Variants in MAGI1 observed in about 807,000 individuals in gnomAD.
The protein encoded by MAGI1 is membrane associated guanylate kinase, WW and PDZ domain containing 1, also known as membrane-associated guanylate kinase, WW and PDZ domain-containing protein 1.
A neutral mutation model predicts 139.9 loss-of-function variants in MAGI1; 58 were observed. The ratio of observed to expected loss-of-function variants is 0.41; its 90% confidence interval spans 0.34 to 0.52. The LOEUF (loss-of-function observed/expected upper bound fraction) is 0.52. Ranked by LOEUF, MAGI1 falls within the 20% of genes least tolerant of loss-of-function variation. The pLI is 0.12. For missense variants in MAGI1, 1,874 were observed against 1,901.6 expected, an observed-to-expected ratio of 0.99 and a Z score of 0.27; for synonymous variants, 812 against 737.9, an observed-to-expected ratio of 1.10 and a Z score of -1.63.
At chr3:65,873,457 C>T (rs1177309617) in intron 1 of MAGI1, 3 of 152,222 alleles carry the variant, frequency 2.0e-5, no homozygotes, top group African/African-American at 4.8e-5. Flanking sequence ...TTACTTGGTA[C>T]ATTATGGCAC....
chr3:65,412,507 A>G (rs1945871334), intron 12 of MAGI1, among the ~76,000 whole-genome samples: 1 of 152,150 alleles, frequency 6.6e-6, no homozygotes, highest in African/African-American at 2.4e-5. Flanking sequence ...GATTGTCTCT[A>G]TTTCAGGGAC....
chr3:66,012,585 G>C (rs2067379899), intron 1 of MAGI1, among the ~76,000 whole-genome samples: 1 of 152,010 alleles, frequency 6.6e-6, no homozygotes, highest in African/African-American at 2.4e-5. Flanking sequence ...GGCCAACATG[G>C]CGAAACCCCA....
At chr3:65,713,010 G>A (rs1223366467) in intron 1 of MAGI1, among the ~76,000 whole-genome samples, 1 of 152,096 alleles carries the variant, frequency 6.6e-6, no homozygotes, top group African/African-American at 2.4e-5. Flanking sequence ...TCATAGCTAG[G>A]AAAGGAATCT....
chr3:65,487,212 C>A (rs1014317327), intron 3 of MAGI1, among the ~76,000 whole-genome samples: 5 of 152,206 alleles, frequency 3.3e-5, no homozygotes, highest in Non-Finnish European at 5.9e-5. Flanking sequence ...CTTGATTCCA[C>A]AGACATCCAC....
At chr3:65,595,959 T>C (rs1396920759) in intron 2 of MAGI1, among the ~76,000 whole-genome samples, 1 of 152,122 alleles carries the variant, frequency 6.6e-6, no homozygotes, top group African/African-American at 2.4e-5. Context: ...AGTTGAGAAA[T>C]GGAGGAATCG....
At chr3:65,389,838 T>C (rs1003480068) in intron 14 of MAGI1, among the ~76,000 whole-genome samples, 7 of 152,198 alleles carry the variant, frequency 4.6e-5, no homozygotes, top group Admixed American at 1.3e-4. Flanking sequence ...ATTCCATGCA[T>C]TGTGGTACCA....
intron 1 of MAGI1, among the ~76,000 whole-genome samples, chr3:65,795,726 C>CACACACACACGG (rs1553708462): frequency 6.7e-6 from 1 of 149,040 alleles, no homozygotes; most frequent in Admixed American, 6.7e-5. Flanking sequence ...CACACACACA[C>CACACACACACGG]GGAGAGAGAG....
chr3:66,016,568 C>G (rs1352032516), intron 1 of MAGI1, among the ~76,000 whole-genome samples: 1 of 152,190 alleles, frequency 6.6e-6, no homozygotes, highest in Admixed American at 6.5e-5. Context: ...TGTGCCCCAG[C>G]ACCGGAGCTG....
At chr3:65,465,339 G>GTT (rs935818788) in intron 5 of MAGI1, among the ~76,000 whole-genome samples, 9 of 142,158 alleles carry the variant, frequency 6.3e-5, no homozygotes, top group Non-Finnish European at 1.2e-4. Context: ...TTTGTTGGTT[G>GTT]TTTTTTTTTT....
rs550371520 is a variant in MAGI1, at chr3:65,726,327, G to A, written c.314-104239C>T. ...AAATTATGACAAAATGGAAGTCTAG[G>A]AGAATAGAATATTCAGCATACAGGA... is the stretch of plus-strand genomic sequence containing the variant. On this transcript the variant is annotated intron_variant, in intron 1 of 22. Transcript: ENST00000402939. Among the ~76,000 whole-genome samples the A allele has an allele frequency of 3.2e-4, 48 of 152,240 alleles. 2 individuals are homozygous for A. In the South Asian group the frequency reaches 9.9e-3, roughly 32 times the overall value.
intron 2 of MAGI1, among the ~76,000 whole-genome samples, chr3:65,503,831 C>T (rs150811082): frequency 1.2e-3 from 187 of 152,248 alleles, no homozygotes; most frequent in African/African-American, 4.3e-3. Flanking sequence ...ATAGCTATGA[C>T]ATGGGATGAA....
chr3:65,367,578 A>G (rs1215293548), intron 18 of MAGI1, among the ~76,000 whole-genome samples: 1 of 152,206 alleles, frequency 6.6e-6, no homozygotes, highest in African/African-American at 2.4e-5. Flanking sequence ...CACTGTGCTA[A>G]GTCCATTACC....
chr3:65,804,273 T>TA lies in MAGI1; in HGVS notation c.314-182186dup, dbSNP rs10600844. On this transcript the variant is annotated intron_variant, in intron 1 of 22. Transcript: ENST00000402939. ...ACAGAACATTTCTCAGATGGCTTAG[T>TA]AAAAAAAAAAAAAAACACACACAGT... Among the ~76,000 whole-genome samples, 1,187 of 126,384 alleles carry TA rather than the reference T, an allele frequency of 9.4e-3. 15 individuals carry two copies. The highest frequency in any genetic ancestry group is 0.033 in the South Asian group (131 of 3,964). 82.9% of individuals were successfully genotyped at this position (126,384 alleles called of 152,430 possible). A position where few individuals can be genotyped will look rare whatever the true frequency, so the allele number is the denominator to read the frequency against.
intron 1 of MAGI1, among the ~76,000 whole-genome samples, chr3:65,858,273 A>G (rs9843620): frequency 0.39 from 58,808 of 152,056 alleles, 11,916 homozygotes; most frequent in Middle Eastern, 0.47. Context: ...ATAATATGGT[A>G]AGTTGACAAA....
intron 1 of MAGI1, among the ~76,000 whole-genome samples, chr3:65,750,657 C>T (rs116502381): frequency 0.022 from 3,383 of 152,260 alleles, 109 homozygotes; most frequent in African/African-American, 0.076. Flanking sequence ...TTTCCCTCAC[C>T]TGAGGTAAAA....
At chr3:65,562,777 A>G (rs2080421520) in intron 2 of MAGI1, among the ~76,000 whole-genome samples, 1 of 152,270 alleles carries the variant, frequency 6.6e-6, no homozygotes, top group South Asian at 2.1e-4. Flanking sequence ...AAATGAGACC[A>G]GTAAACGATG....
intron 1 of MAGI1, among the ~76,000 whole-genome samples, chr3:65,912,370 G>A (rs1391587551): frequency 1.3e-5 from 2 of 152,036 alleles, no homozygotes; most frequent in Non-Finnish European, 2.9e-5. Context: ...CTGAAAAACT[G>A]GAAGAGCCCA....
rs554685873 is a variant in MAGI1 at position 65,410,482 on chromosome 3, A to C, written c.2168-9012T>G. On this transcript the variant is annotated intron_variant, in intron 12 of 22. Coordinates refer to ENST00000402939, the MANE Select transcript of MAGI1 (RefSeq NM_001033057.2). ...ATATGCTGTCATTCAAAGGTTCCTT[A>C]ATTATTTTGGTTTAGAGTCTACTAC... is the stretch of plus-strand genomic sequence containing the variant. Among the ~76,000 whole-genome samples the C allele has an allele frequency of 4.6e-4, 70 of 152,294 alleles. 1 individual carries two copies. Among genetic ancestry groups the C allele is most frequent in the African/African-American group, 1.7e-3 (69 of 41,562 alleles).
At chr3:65,460,846 G>C (rs1046824813) in intron 5 of MAGI1, among the ~76,000 whole-genome samples, 1 of 152,054 alleles carries the variant, frequency 6.6e-6, no homozygotes, top group Non-Finnish European at 1.5e-5. Context: ...AGGGTTTCCA[G>C]CTTCATCCAT....
Sources: allele counts gnomAD v4.1 joint callset (sites outside exome capture counted in the v4.1 genomes callset), GRCh38; gene constraint gnomAD v4.1.1; transcripts MANE v1.5; gene names NCBI Gene and HGNC (gene_info 2026-07-23, HGNC 2026-07-21).